The following FTCDNL1 variants were observed in gnomAD, a reference collection of about 807,000 sequenced individuals.
The protein encoded by FTCDNL1 is formiminotransferase cyclodeaminase N-terminal like, also known as formiminotransferase N-terminal subdomain-containing protein.
Under a neutral mutation model 5.9 loss-of-function variants are expected in FTCDNL1, and 11 were observed. That is an observed-to-expected ratio of 1.87 (90% CI 1.18 to 3.10). FTCDNL1 has a LOEUF of 3.10. Among genes scored for constraint, FTCDNL1 ranks in the 30% most tolerant of loss-of-function variants. The pLI is 0.00. For synonymous variants in FTCDNL1, 58 were observed against 24.8 expected (o/e 2.34, Z -3.99); for missense variants, 115 against 65.5 (o/e 1.76, Z -2.61).
At chr2:199,844,604 T>G in intron 3 of FTCDNL1, 1 of 435,548 alleles carries the variant, frequency 2.3e-6, no homozygotes. Flanking sequence ...TATGATTTTG[T>G]TGGTCCCCTA....
chr2:199,797,728 A>T (rs1258793127), intron 3 of FTCDNL1, among the ~76,000 whole-genome samples: 14 of 152,238 alleles, frequency 9.2e-5, no homozygotes, highest in Non-Finnish European at 1.6e-4. Context: ...TCTTTCCCTC[A>T]GCCTGGAATT....
chr2:199,722,670 G>C, the FTCDNL1 span, among the ~76,000 whole-genome samples: 11 of 152,172 alleles, frequency 7.2e-5, no homozygotes, highest in Admixed American at 2.0e-4. Flanking sequence ...AATGTCAATG[G>C]TAGCTTGATG....
intron 3 of FTCDNL1, among the ~76,000 whole-genome samples, chr2:199,798,646 T>C (rs191390437): frequency 1.8e-4 from 27 of 152,114 alleles, no homozygotes; most frequent in South Asian, 4.2e-4. Flanking sequence ...CACAGAGAGA[T>C]CAGAAGGGCC....
intron 3 of FTCDNL1, among the ~76,000 whole-genome samples, chr2:199,826,037 A>T (rs1210058785): frequency 6.6e-6 from 1 of 152,204 alleles, no homozygotes; most frequent in Admixed American, 6.5e-5. Flanking sequence ...CTAAAAGCAC[A>T]AACTGTGATG....
chr2:199,686,342 A>G, the FTCDNL1 span, among the ~76,000 whole-genome samples: 1 of 152,178 alleles, frequency 6.6e-6, no homozygotes, highest in Non-Finnish European at 1.5e-5. Flanking sequence ...GGGGGTGGGA[A>G]GGAATTGGCA....
chr2:199,741,969 T>C, the FTCDNL1 span, among the ~76,000 whole-genome samples: 7 of 152,210 alleles, frequency 4.6e-5, no homozygotes, highest in African/African-American at 1.2e-4. Flanking sequence ...CTCTTTAGCA[T>C]GGCACATGGG....
downstream of FTCDNL1, among the ~76,000 whole-genome samples, chr2:199,809,003 G>A (rs1007873128): frequency 1.3e-5 from 2 of 152,140 alleles, no homozygotes; most frequent in African/African-American, 4.8e-5. Flanking sequence ...CAGAGACTGA[G>A]AGACAGACCT....
exon 4 of FTCDNL1, chr2:199,760,791 GACCTCGC>G: frequency 1.4e-6 from 1 of 702,228 alleles, no homozygotes; most frequent in Non-Finnish European, 2.6e-6. Flanking sequence ...CCTGGATGTC[GACCTCGC>G]AACAGCACTT....
the FTCDNL1 span, among the ~76,000 whole-genome samples, chr2:199,737,081 T>A: frequency 1.3e-5 from 2 of 152,246 alleles, no homozygotes; most frequent in African/African-American, 4.8e-5. Context: ...ACTTTCTGTG[T>A]TCTCCACCTT....
At chr2:199,796,588 AT>A (rs1157869987) in intron 3 of FTCDNL1, among the ~76,000 whole-genome samples, 1 of 152,132 alleles carries the variant, frequency 6.6e-6, no homozygotes, top group Non-Finnish European at 1.5e-5. Flanking sequence ...TAGGTCAGTC[AT>A]TTCTTCAAGT....
chr2:199,771,905 T>A (rs1698829603), intron 3 of FTCDNL1, among the ~76,000 whole-genome samples: 1 of 152,228 alleles, frequency 6.6e-6, no homozygotes, highest in Non-Finnish European at 1.5e-5. Flanking sequence ...AAGCTCTGTA[T>A]ACACTATGTT....
At chr2:199,673,606 G>A in the FTCDNL1 span, among the ~76,000 whole-genome samples, 6 of 152,040 alleles carry the variant, frequency 3.9e-5, no homozygotes, top group East Asian at 1.9e-4. Context: ...CAGTCCATGC[G>A]TTCACAGGAA....
intron 3 of FTCDNL1, among the ~76,000 whole-genome samples, chr2:199,827,676 A>T (rs1195391878): frequency 6.6e-6 from 1 of 152,178 alleles, no homozygotes; most frequent in African/African-American, 2.4e-5. Flanking sequence ...AAAAGGAAAA[A>T]AAAAGAAAAA....
chr2:199,747,450 C>G, the FTCDNL1 span, among the ~76,000 whole-genome samples: 1 of 152,162 alleles, frequency 6.6e-6, no homozygotes, highest in Non-Finnish European at 1.5e-5. Context: ...TGTTCACACT[C>G]ACAGAGGGTT....
At chr2:199,760,805 ACTTGC>A in exon 4 of FTCDNL1, 2 of 702,356 alleles carry the variant, frequency 2.8e-6, no homozygotes, top group East Asian at 5.4e-5. Flanking sequence ...TCGCAACAGC[ACTTGC>A]CTTTAGGCTT....
At chr2:199,726,254 C>T in the FTCDNL1 span, among the ~76,000 whole-genome samples, 2 of 152,142 alleles carry the variant, frequency 1.3e-5, no homozygotes, top group African/African-American at 4.8e-5. Flanking sequence ...TTATGTTCCT[C>T]TCTAAAATGG....
downstream of FTCDNL1, among the ~76,000 whole-genome samples, chr2:199,804,759 T>C (rs994899636): frequency 5.3e-5 from 8 of 152,200 alleles, no homozygotes; most frequent in East Asian, 1.9e-4. Context: ...CCCAGTCCCA[T>C]TGGGTCTGCT....
At chr2:199,774,954 G>T (rs575115568) in intron 3 of FTCDNL1, among the ~76,000 whole-genome samples, 2 of 152,262 alleles carry the variant, frequency 1.3e-5, no homozygotes, top group East Asian at 3.9e-4. Context: ...AGTCCTCTCA[G>T]AATCTAACAA....
At chr2:199,729,055 G>A in the FTCDNL1 span, among the ~76,000 whole-genome samples, 6 of 152,194 alleles carry the variant, frequency 3.9e-5, no homozygotes, top group Non-Finnish European at 5.9e-5. Flanking sequence ...AAGAGCCAGG[G>A]CCACTGAGGG....
Sources: gnomAD v4.1 joint callset for allele counts (sites outside exome capture counted in the v4.1 genomes callset) on GRCh38, gnomAD v4.1.1 for gene constraint, MANE v1.5 for transcripts, NCBI Gene and HGNC (gene_info 2026-07-23, HGNC 2026-07-21) for gene names.